LRRC37A2: variants seen among roughly 807,000 people sequenced by gnomAD.
LRRC37A2 encodes leucine rich repeat containing 37 member A2.
LRRC37A2 carries 9 observed loss-of-function variants against 68.8 expected under a neutral mutation model. The ratio of observed to expected loss-of-function variants is 0.13; its 90% CI spans 0.08 to 0.23. The LOEUF (loss-of-function observed/expected upper bound fraction) is 0.23, where lower values mean the gene tolerates loss of function less well. Among genes scored for constraint, LRRC37A2 ranks in the 10% least tolerant of loss-of-function variants. The pLI, the probability that LRRC37A2 is intolerant of heterozygous loss-of-function variation, is 1.00. For synonymous variants in LRRC37A2, 63 were observed against 367.6 expected, an observed-to-expected ratio of 0.17 and a Z score of 9.48; for missense variants, 168 against 950.4, an observed-to-expected ratio of 0.18 and a Z score of 10.82.
At chr17:46,541,881 C>G (rs1362780615) in intron 8 of LRRC37A2, among the ~76,000 whole-genome samples, 1 of 149,844 alleles carries the variant, frequency 6.7e-6, no homozygotes, top group Non-Finnish European at 1.5e-5. Flanking sequence ...TGGAGCCAAT[C>G]CCCTGCAGAC....
chr17:46,963,522 C>T, the LRRC37A2 span, among the ~76,000 whole-genome samples: 6 of 139,314 alleles, frequency 4.3e-5, no homozygotes, highest in African/African-American at 1.1e-4. Context: ...CCAGCCTGGG[C>T]GACAGAGTGA....
chr17:46,750,237 C>T, the LRRC37A2 span, among the ~76,000 whole-genome samples: 1 of 152,112 alleles, frequency 6.6e-6, no homozygotes, highest in Admixed American at 6.6e-5. Context: ...CCTGTAGTTC[C>T]AGCTACTCAG....
At chr17:46,790,767 A>C in the LRRC37A2 span, among the ~76,000 whole-genome samples, 48 of 152,362 alleles carry the variant, frequency 3.2e-4, 1 homozygote, top group African/African-American at 9.4e-4. Flanking sequence ...CATGAAGAAG[A>C]AGCATTTGGG....
exon 10 of LRRC37A2, chr17:46,548,551 T>C (rs779827761): frequency 6.7e-7 from 1 of 1,485,372 alleles, no homozygotes; most frequent in Non-Finnish European, 9.1e-7. Flanking sequence ...GAAATCACTG[T>C]TACTACCGTT....
the LRRC37A2 span, among the ~76,000 whole-genome samples, chr17:46,867,304 A>G: frequency 6.6e-6 from 1 of 152,238 alleles, no homozygotes; most frequent in South Asian, 2.1e-4. Flanking sequence ...GAGCATAGAG[A>G]GGTAAAGCAC....
the LRRC37A2 span, chr17:46,713,745 AG>A: frequency 3.2e-6 from 3 of 935,474 alleles, no homozygotes; most frequent in Non-Finnish European, 4.8e-6. Flanking sequence ...AATGTTAATG[AG>A]CAACTAGTCG....
At chr17:47,021,867 A>G in the LRRC37A2 span, 6 of 1,512,088 alleles carry the variant, frequency 4.0e-6, no homozygotes, top group African/African-American at 1.4e-5. Context: ...CAAGGAAACT[A>G]TATTTCTTAC....
chr17:46,458,204 CAT>C, the LRRC37A2 span, among the ~76,000 whole-genome samples: 1 of 99,212 alleles, frequency 1.0e-5, no homozygotes. Flanking sequence ...CTGGGTAAAA[CAT>C]AACTGAAATC....
At chr17:46,820,462 T>C in the LRRC37A2 span, among the ~76,000 whole-genome samples, 1 of 145,490 alleles carries the variant, frequency 6.9e-6, no homozygotes, top group Non-Finnish European at 1.5e-5. Flanking sequence ...GAGCCACCGG[T>C]GTGAGGAAGA....
the LRRC37A2 span, among the ~76,000 whole-genome samples, chr17:46,823,560 C>T: frequency 0.049 from 7,391 of 152,106 alleles, 236 homozygotes; most frequent in Middle Eastern, 0.16. Context: ...CTGCCTCCGC[C>T]GCTCAAGTAG....
the LRRC37A2 span, among the ~76,000 whole-genome samples, chr17:46,680,418 TAA>T: frequency 6.6e-6 from 1 of 151,488 alleles, no homozygotes; most frequent in Non-Finnish European, 1.5e-5. Flanking sequence ...TGGAAAAAGA[TAA>T]AATGCAATTC....
chr17:46,746,296 T>A, the LRRC37A2 span, among the ~76,000 whole-genome samples: 1 of 152,230 alleles, frequency 6.6e-6, no homozygotes, highest in Non-Finnish European at 1.5e-5. Context: ...GTTAAGCTAA[T>A]GGCTAATTGT....
chr17:46,697,413 T>C, the LRRC37A2 span, among the ~76,000 whole-genome samples: 1 of 149,886 alleles, frequency 6.7e-6, no homozygotes, highest in Non-Finnish European at 1.5e-5. Context: ...GTTTTCACCA[T>C]GTTGGCCAGG....
chr17:46,962,571 T>C, the LRRC37A2 span, among the ~76,000 whole-genome samples: 1 of 152,218 alleles, frequency 6.6e-6, no homozygotes, highest in Non-Finnish European at 1.5e-5. Context: ...ACATCAAGTA[T>C]AGCTATGCTG....
At chr17:46,784,796 GAT>G in the LRRC37A2 span, among the ~76,000 whole-genome samples, 2 of 127,900 alleles carry the variant, frequency 1.6e-5, no homozygotes, top group Non-Finnish European at 3.2e-5. Context: ...TTTTTTTTGA[GAT>G]GGAGTCTCGC....
chr17:46,908,343 A>G, the LRRC37A2 span, among the ~76,000 whole-genome samples: 5 of 152,284 alleles, frequency 3.3e-5, no homozygotes, highest in South Asian at 1.0e-3. Flanking sequence ...CCTATGCCTC[A>G]GGGTCCTGGG....
At chr17:46,999,789 A>T in the LRRC37A2 span, among the ~76,000 whole-genome samples, 51 of 151,634 alleles carry the variant, frequency 3.4e-4, no homozygotes, top group African/African-American at 1.2e-3. Context: ...ACTTGAGGTC[A>T]GGAGTTTGAA....
chr17:47,015,945 T>C, the LRRC37A2 span, among the ~76,000 whole-genome samples: 1 of 145,370 alleles, frequency 6.9e-6, no homozygotes, highest in Non-Finnish European at 1.5e-5. Context: ...ATTTTATTTA[T>C]TTTATTTTAT....
chr17:47,033,331 C>A, the LRRC37A2 span: 1 of 699,800 alleles, frequency 1.4e-6, no homozygotes, highest in African/African-American at 1.8e-5. Context: ...TGATGCAGTC[C>A]GAGGTCTTGT....
Sources: gnomAD v4.1 joint callset for allele counts (sites outside exome capture counted in the v4.1 genomes callset) on GRCh38, gnomAD v4.1.1 for gene constraint, MANE v1.5 for transcripts, NCBI Gene and HGNC (gene_info 2026-07-23, HGNC 2026-07-21) for gene names.